The following DIMT1 variants were observed in gnomAD, a reference collection of about 807,000 sequenced individuals.
DIMT1 encodes DIM1 rRNA methyltransferase and ribosome maturation factor, also known as dimethyladenosine transferase.
In DIMT1, 36 loss-of-function variants were observed where a neutral mutation model predicts 43.2. That is an observed-to-expected ratio of 0.83 (90% confidence interval 0.64 to 1.10). The LOEUF is 1.10. Among genes scored for constraint, DIMT1 ranks in the 50% least tolerant of loss-of-function variants. The pLI, the probability that DIMT1 is intolerant of heterozygous loss-of-function variation, is 0.00. For synonymous variants in DIMT1, 126 were observed against 130.3 expected, an observed-to-expected ratio of 0.97 and a Z score of 0.22; for missense variants, 341 against 385.3, an observed-to-expected ratio of 0.88 and a Z score of 0.96.
At chr5:62,398,368 G>A (rs1742575112) in intron 6 of DIMT1, 143 bp downstream of exon 6, 1 of 783,306 alleles carries the variant, frequency 1.3e-6, no homozygotes, top group African/African-American at 1.7e-5. Flanking sequence ...ATTAAAGAGA[G>A]AAAGACCTCC....
At chr5:62,398,963 T>C in intron 3 of DIMT1, 82 bp from the exon 4 acceptor site, 1 of 1,063,498 alleles carries the variant, frequency 9.4e-7, no homozygotes. Context: ...AACTCTTACA[T>C]GATTTATGTG....
At chr5:62,393,238 AT>A (rs542695581) in intron 8 of DIMT1, among the ~76,000 whole-genome samples, 41 of 148,652 alleles carry the variant, frequency 2.8e-4, no homozygotes, top group Middle Eastern at 3.5e-3. Context: ...AAGCATGACA[AT>A]TTTTTTTTTT....
At chr5:62,391,703 C>T (rs1055301750) in intron 10 of DIMT1, 2 of 1,293,194 alleles carry the variant, frequency 1.5e-6, no homozygotes, top group African/African-American at 3.0e-5. Context: ...ACGCATGAGG[C>T]TCACAACCAG....
intron 6 of DIMT1, among the ~76,000 whole-genome samples, chr5:62,396,139 G>GTTTTTTTTTTTGTTT (rs1742480774): frequency 8.6e-6 from 1 of 116,760 alleles, no homozygotes; most frequent in South Asian, 2.6e-4. Context: ...GTCACTGCAG[G>GTTTTTTTTTTTGTTT]TTTTTTTTTT....
At position 62,403,871 on chromosome 5, in the gene DIMT1, C is replaced by T; in HGVS notation, c.-99G>A. ...CGTGGGGATCGCCGCCACGCGCCGC[C>T]CGCACCACTCTGGCCCAAGCGCCGG... On this transcript the variant is annotated 5_prime_UTR_variant, in exon 1 of 12. Coordinates refer to ENST00000199320, the MANE Select transcript of DIMT1 (RefSeq NM_014473.4). 7.6e-7 allele frequency: 1 copy of T among 1,309,172 alleles called. No homozygotes were observed. The highest frequency in any genetic ancestry group is 1.1e-6 in the Non-Finnish European group (1 of 946,406). 81.1% of individuals were successfully genotyped at this position (1,309,172 alleles called of 1,614,324 possible). A position where few individuals can be genotyped will look rare whatever the true frequency, so the allele number is the denominator to read the frequency against.
chr5:62,403,741 CG>C lies in DIMT1; in HGVS notation c.31del (p.Arg11AlafsTer12). The C allele has an allele frequency of 6.2e-7, 1 of 1,610,038 alleles. No homozygotes were observed. Among genetic ancestry groups the C allele is most frequent in the Non-Finnish European group, 8.5e-7 (1 of 1,178,768 alleles). On this transcript the variant is annotated frameshift_variant, in exon 1 of 12. Coordinates refer to ENST00000199320, the MANE Select transcript of DIMT1 (RefSeq NM_014473.4). LOFTEE classifies it high-confidence loss of function. ...GCGCTGCTCCTGCCGCCCGCGGCGGCGGCCGATGGCCCCCGACTTGACCTTC... is the reference window on the plus strand; with the variant it reads ...GCGCTGCTCCTGCCGCCCGCGGCGGCGCCGATGGCCCCCGACTTGACCTTC... MPKVKSGAIGRRRGRQEQRRE... is the reference protein window; with the variant it reads MPKVKSGAIGXRRGRQEQRRE...
intron 11 of DIMT1, among the ~76,000 whole-genome samples, chr5:62,390,012 A>G (rs1012551780): frequency 1.1e-4 from 16 of 152,256 alleles, no homozygotes; most frequent in African/African-American, 3.9e-4. Flanking sequence ...ATGACTCAGT[A>G]GTACTGCTAG....
At chr5:62,392,053 G>C (rs930154560) in intron 10 of DIMT1, 118 bp downstream of exon 10, 2 of 1,580,096 alleles carry the variant, frequency 1.3e-6, no homozygotes, top group Non-Finnish European at 1.7e-6. Flanking sequence ...ATTATATATT[G>C]TCTTTTAAGG....
At chr5:62,392,477 G>A (rs116552056) in intron 9 of DIMT1, among the ~76,000 whole-genome samples, 4,026 of 151,566 alleles carry the variant, frequency 0.027, 160 homozygotes, top group African/African-American at 0.089. Flanking sequence ...TAAATTCTTA[G>A]AGAAGTTCTA....
Position 62,403,871 on chromosome 5 carries a change from C to CCGCACCACT in DIMT1, c.-108_-100dup. 7.6e-7 allele frequency: 1 copy of CCGCACCACT among 1,309,172 alleles called. No homozygotes were observed. Among genetic ancestry groups the CCGCACCACT allele is most frequent in the Non-Finnish European group, 1.1e-6 (1 of 946,406 alleles). 81.1% of individuals were successfully genotyped at this position (1,309,172 alleles called of 1,614,324 possible). On this transcript the variant is annotated 5_prime_UTR_variant, in exon 1 of 12. Coordinates refer to ENST00000199320, the MANE Select transcript of DIMT1 (RefSeq NM_014473.4). The stretch of plus-strand genomic sequence containing the variant: ...CGTGGGGATCGCCGCCACGCGCCGC[C>CCGCACCACT]CGCACCACTCTGGCCCAAGCGCCGG...
At chr5:62,397,113 C>A (rs992979565) in intron 6 of DIMT1, among the ~76,000 whole-genome samples, 2 of 152,050 alleles carry the variant, frequency 1.3e-5, no homozygotes, top group Non-Finnish European at 2.9e-5. Flanking sequence ...CAATGCCCAG[C>A]TAATTTTTTT....
rs954333105 is a variant in DIMT1, at chr5:62,388,383, C to G, written c.*627G>C. On this transcript the variant is annotated 3_prime_UTR_variant, in exon 12 of 12. Coordinates refer to ENST00000199320, the MANE Select transcript of DIMT1 (RefSeq NM_014473.4). Reference sequence around the variant, plus strand: ...GAGTCATGCCCTTTAATATGCCTGGCACTGCACGGTGGCAGTAGCAGACTT... The same window carrying G: ...GAGTCATGCCCTTTAATATGCCTGGGACTGCACGGTGGCAGTAGCAGACTT... 2 of 152,264 alleles carry G rather than the reference C, an allele frequency of 1.3e-5. No homozygotes were observed. The highest frequency in any genetic ancestry group is 4.8e-5 in the African/African-American group (2 of 41,448). The allele number at this position is 152,264 out of a possible 1,614,324, so 9.4% of individuals were successfully genotyped here.
chr5:62,393,184 G>A (rs957809018), intron 8 of DIMT1, among the ~76,000 whole-genome samples, 194 bp from the exon 9 acceptor site: 8 of 152,030 alleles, frequency 5.3e-5, no homozygotes, highest in African/African-American at 1.2e-4. Flanking sequence ...GCACTTTGGC[G>A]CATTTCACTG....
Position 62,398,712 on chromosome 5 carries a change from C to A in DIMT1, c.330G>T (p.Leu110=). The change falls in exon 5 of 12, where the codon CTG becomes CTT. Residue 110 remains leucine, a synonymous_variant. Coordinates refer to ENST00000199320, the MANE Select transcript of DIMT1 (RefSeq NM_014473.4). ...GTPVASKLQV[L]VGDVLKTDLP... ...AATCTGTTTTCAGCACATCACCCAC[C>A]AGTACTTGAAGTTTGCTGGCCACAG... 1 of 1,614,122 alleles carries A rather than the reference C, an allele frequency of 6.2e-7. No homozygotes were observed. The highest frequency in any genetic ancestry group is 8.5e-7 in the Non-Finnish European group (1 of 1,180,018).
chr5:62,388,779 T>G lies in DIMT1; in HGVS notation c.*231A>C, dbSNP rs1742156001. On this transcript the variant is annotated 3_prime_UTR_variant, in exon 12 of 12. Coordinates refer to ENST00000199320, the MANE Select transcript of DIMT1 (RefSeq NM_014473.4). The stretch of plus-strand genomic sequence containing the variant: ...TGTGCGTCTCTGCGGCTCCTGAACT[T>G]GAAGATTATTATGAATAGATTGGAC... 1.8e-6 allele frequency: 1 copy of G among 540,938 alleles called. No individual in the cohort carries two copies. Among genetic ancestry groups the G allele is most frequent in the Non-Finnish European group, 3.3e-6 (1 of 301,976 alleles). 33.5% of individuals were successfully genotyped at this position (540,938 alleles called of 1,614,324 possible).
Position 62,388,606 on chromosome 5 carries a change from G to A in DIMT1, c.*404C>T, listed in dbSNP as rs538160531. On this transcript the variant is annotated 3_prime_UTR_variant, in exon 12 of 12. Coordinates refer to ENST00000199320, the MANE Select transcript of DIMT1 (RefSeq NM_014473.4). ...ATGTGAATAACACGAAATGGTATGG[G>A]GAATGTGTGACTAGTGAAGCATATT... 4.7e-5 allele frequency: 8 copies of A among 168,436 alleles called. No individual in the cohort carries two copies. The South Asian group carries it at 1.3e-3, about 26-fold the overall frequency. The allele number at this position is 168,436 out of a possible 1,614,324, so 10.4% of individuals were successfully genotyped here. A position where few individuals can be genotyped will look rare whatever the true frequency, so the allele number is the denominator to read the frequency against.
chr5:62,401,969 G>C, intron 3 of DIMT1, 67 bp downstream of exon 3: 1 of 1,455,416 alleles, frequency 6.9e-7, no homozygotes, highest in Non-Finnish European at 9.5e-7. Flanking sequence ...AACATATTTA[G>C]ATTGTAAACC....
chr5:62,396,113 T>C (rs959757335), intron 6 of DIMT1, among the ~76,000 whole-genome samples: 3 of 145,704 alleles, frequency 2.1e-5, no homozygotes, highest in Non-Finnish European at 1.5e-5. Flanking sequence ...ACTGAGGCTC[T>C]GGGGAATTTA....
Position 62,388,472 on chromosome 5 carries a change from C to T in DIMT1, c.*538G>A, listed in dbSNP as rs1258305973. On this transcript the variant is annotated 3_prime_UTR_variant, in exon 12 of 12. Transcript: ENST00000199320. The stretch of plus-strand genomic sequence containing the variant: ...TAGCGAAAGAGGTAGGCAATCGTAA[C>T]AGACACTGTATAGGATAAATAGGGA... 3.9e-5 allele frequency: 6 copies of T among 152,716 alleles called. No homozygotes were observed. Among genetic ancestry groups the T allele is most frequent in the African/African-American group, 1.4e-4 (6 of 41,414 alleles). 9.5% of individuals were successfully genotyped at this position (152,716 alleles called of 1,614,324 possible). A position where few individuals can be genotyped will look rare whatever the true frequency, so the allele number is the denominator to read the frequency against.
Sources: allele counts gnomAD v4.1 joint callset (sites outside exome capture counted in the v4.1 genomes callset), GRCh38; gene constraint gnomAD v4.1.1; transcripts MANE v1.5; gene names NCBI Gene and HGNC (gene_info 2026-07-23, HGNC 2026-07-21).